SPCS2: variants seen among roughly 807,000 people sequenced by gnomAD.
SPCS2 encodes the protein signal peptidase complex subunit 2.
SPCS2 carries 3 observed loss-of-function variants against 22.3 expected under a neutral mutation model. The ratio of observed to expected loss-of-function variants is 0.13; its 90% CI spans 0.06 to 0.35. The LOEUF (loss-of-function observed/expected upper bound fraction) is 0.35, where lower values mean the gene tolerates loss of function less well. Ranked by LOEUF, SPCS2 falls within the 10% of genes least tolerant of loss-of-function variation. The pLI is 1.00. For missense variants in SPCS2, 169 were observed against 280.9 expected (o/e 0.60, Z 2.85); for synonymous variants, 67 against 97.2 (o/e 0.69, Z 1.83).
chr11:74,976,428 A>C (rs769871734), intron 4 of SPCS2, among the ~76,000 whole-genome samples: 1 of 152,230 alleles, frequency 6.6e-6, no homozygotes, highest in Non-Finnish European at 1.5e-5. Flanking sequence ...GACAGAGGAA[A>C]CACATCTGAC....
At chr11:74,955,842 AC>A (rs1308364658) in intron 1 of SPCS2, among the ~76,000 whole-genome samples, 2 of 125,100 alleles carry the variant, frequency 1.6e-5, no homozygotes, top group East Asian at 2.5e-4. Context: ...TACTTTAATT[AC>A]TAATTAAAAT....
intron 1 of SPCS2, among the ~76,000 whole-genome samples, chr11:74,961,554 T>G (rs1948514586): frequency 6.7e-6 from 1 of 149,342 alleles, no homozygotes; most frequent in Non-Finnish European, 1.5e-5. Flanking sequence ...GTTTGTTTGT[T>G]TTTTGAGATG....
intron 4 of SPCS2, 41 bp from the exon 5 acceptor site, chr11:74,976,816 G>A (rs1172641481): frequency 6.2e-7 from 1 of 1,612,074 alleles, no homozygotes; most frequent in Non-Finnish European, 8.5e-7. Flanking sequence ...TTGAATCTCT[G>A]TGTTTGGTTT....
At chr11:74,955,850 A>AT (rs1948474796) in intron 1 of SPCS2, among the ~76,000 whole-genome samples, 2 of 97,760 alleles carry the variant, frequency 2.0e-5, no homozygotes, top group East Asian at 3.4e-4. Flanking sequence ...TTACTAATTA[A>AT]AATATATATA....
Position 74,974,084 on chromosome 11 carries a change from A to G in SPCS2, c.495-2773A>G. ...ACTTGACCTGTCAGCAGCATTTGAC[A>G]TAGCTAATTACCCTTACTTTGTAAT... On this transcript the variant is annotated intron_variant, in intron 4 of 4. Transcript: ENST00000263672. Among the ~76,000 whole-genome samples the G allele has an allele frequency of 1.3e-5, 2 of 149,510 alleles. 1 individual carries two copies. Among genetic ancestry groups the G allele is most frequent in the Non-Finnish European group, 3.0e-5 (2 of 67,702 alleles).
chr11:74,964,915 A>G (rs1948534851), intron 1 of SPCS2, 119 bp from the exon 2 acceptor site: 1 of 657,168 alleles, frequency 1.5e-6, no homozygotes, highest in Non-Finnish European at 2.5e-6. Flanking sequence ...GTTCTGCAAC[A>G]TCAGAAGACA....
chr11:74,955,320 A>G (rs1948471518), intron 1 of SPCS2, among the ~76,000 whole-genome samples: 1 of 152,246 alleles, frequency 6.6e-6, no homozygotes, highest in African/African-American at 2.4e-5. Context: ...AAAGGTAGAA[A>G]CAGTCTGTCA....
rs1302800012 is a variant in SPCS2, at chr11:74,977,669, T to TTTGTTTGTGCC, written c.*629_*639dup. On this transcript the variant is annotated 3_prime_UTR_variant, in exon 5 of 5. Coordinates refer to ENST00000263672, the MANE Select transcript of SPCS2 (RefSeq NM_014752.3). ...TTTTCCACTAGTATATCCCTGTTGA[T>TTTGTTTGTGCC]TTGTTTGTGCCTTTTATTAACTGCC... is the stretch of plus-strand genomic sequence containing the variant. The TTTGTTTGTGCC allele has an allele frequency of 6.6e-6, 1 of 152,662 alleles. No homozygotes were observed. The highest frequency in any genetic ancestry group is 6.5e-5 in the Admixed American group (1 of 15,286). The allele number at this position is 152,662 out of a possible 1,614,324, so 9.5% of individuals were successfully genotyped here.
chr11:74,953,485 AC>A (rs1948458546), intron 1 of SPCS2, among the ~76,000 whole-genome samples: 1 of 152,046 alleles, frequency 6.6e-6, no homozygotes, highest in South Asian at 2.1e-4. Context: ...GCGCCACCAC[AC>A]CCAGCCTAAT....
rs191183388 is a variant in SPCS2, at chr11:74,964,758, C to G, written c.115-276C>G. Among the ~76,000 whole-genome samples, 11 of 152,322 alleles carry G rather than the reference C, an allele frequency of 7.2e-5. No homozygotes were observed. The East Asian group carries it at 1.9e-3, about 27-fold the overall frequency. On this transcript the variant is annotated intron_variant, in intron 1 of 4. Transcript: ENST00000263672. ...TTCTCTGCATGGAGACTGGCAACATCAGCATCACATGAGTACCACCTGACT... is the reference window on the plus strand; with the variant it reads ...TTCTCTGCATGGAGACTGGCAACATGAGCATCACATGAGTACCACCTGACT...
chr11:74,955,052 A>G (rs1047332766), intron 1 of SPCS2, among the ~76,000 whole-genome samples: 1 of 151,866 alleles, frequency 6.6e-6, no homozygotes, highest in Admixed American at 6.6e-5. Flanking sequence ...TTGCTATAAT[A>G]AAGGGGGAAA....
intron 3 of SPCS2, among the ~76,000 whole-genome samples, chr11:74,967,955 C>A (rs1406389033): frequency 6.6e-6 from 1 of 151,760 alleles, no homozygotes; most frequent in Non-Finnish European, 1.5e-5. Flanking sequence ...TCTTCTGTAT[C>A]CTAGACTGCA....
chr11:74,967,814 A>G (rs756738562), intron 3 of SPCS2, among the ~76,000 whole-genome samples: 5 of 152,070 alleles, frequency 3.3e-5, no homozygotes, highest in Non-Finnish European at 7.4e-5. Context: ...CACACCTATA[A>G]TCCCAGCTAC....
At chr11:74,970,083 C>T (rs1364944533) in intron 4 of SPCS2, among the ~76,000 whole-genome samples, 1 of 152,206 alleles carries the variant, frequency 6.6e-6, no homozygotes, top group Admixed American at 6.5e-5. Context: ...TGGAGCAGTG[C>T]ACTGGGCAAC....
chr11:74,949,565 T>C, intron 1 of SPCS2, 166 bp downstream of exon 1: 2 of 692,906 alleles, frequency 2.9e-6, no homozygotes, highest in East Asian at 2.9e-5. Context: ...CTTGCCCTCA[T>C]CACACTTCAA....
chr11:74,969,174 C>G (rs550573355), intron 3 of SPCS2, among the ~76,000 whole-genome samples: 1 of 152,226 alleles, frequency 6.6e-6, no homozygotes, highest in East Asian at 1.9e-4. Flanking sequence ...TCTTAATAAC[C>G]CTTAAAATCA....
chr11:74,973,829 CCTAT>C (rs1948600666), intron 4 of SPCS2, among the ~76,000 whole-genome samples: 1 of 152,202 alleles, frequency 6.6e-6, no homozygotes, highest in African/African-American at 2.4e-5. Flanking sequence ...CTTCCAAGTA[CCTAT>C]CTAAGGCCTT....
chr11:74,954,335 C>T (rs1245341307), intron 1 of SPCS2, among the ~76,000 whole-genome samples: 1 of 152,218 alleles, frequency 6.6e-6, no homozygotes, highest in African/African-American at 2.4e-5. Flanking sequence ...GAACCTGGCT[C>T]CCCCAGTGCT....
chr11:74,955,930 T>G (rs950530738), intron 1 of SPCS2, among the ~76,000 whole-genome samples: 2 of 140,534 alleles, frequency 1.4e-5, no homozygotes, highest in Non-Finnish European at 3.1e-5. Flanking sequence ...TAGCACCATT[T>G]CTCTGCTCTG....
Sources: gnomAD v4.1 joint callset for allele counts (sites outside exome capture counted in the v4.1 genomes callset) on GRCh38, gnomAD v4.1.1 for gene constraint, MANE v1.5 for transcripts, NCBI Gene and HGNC (gene_info 2026-07-23, HGNC 2026-07-21) for gene names.